IFTAP: variants seen among roughly 807,000 people sequenced by gnomAD.
The protein encoded by IFTAP is intraflagellar transport-associated protein.
In IFTAP, 19 loss-of-function variants were observed where a neutral mutation model predicts 19.4. The ratio of observed to expected loss-of-function variants is 0.98; its 90% CI spans 0.68 to 1.44. The LOEUF (loss-of-function observed/expected upper bound fraction) is 1.44. Among genes scored for constraint, IFTAP ranks in the 40% most tolerant of loss-of-function variants. The probability of loss-of-function intolerance (pLI) is 0.00; values close to 1 mark genes in which losing one functional copy is unlikely to be tolerated. For synonymous variants in IFTAP, 85 were observed against 83.5 expected, an observed-to-expected ratio of 1.02 and a Z score of -0.10; for missense variants, 240 against 253.6, an observed-to-expected ratio of 0.95 and a Z score of 0.36.
At chr11:36,653,789 G>T (rs1471587627) in intron 5 of IFTAP, among the ~76,000 whole-genome samples, 6 of 152,114 alleles carry the variant, frequency 3.9e-5, no homozygotes, top group Admixed American at 3.9e-4. Flanking sequence ...TAATTAACAT[G>T]CAAAGTCAGA....
At chr11:36,640,643 A>T (rs1853159723) in intron 4 of IFTAP, among the ~76,000 whole-genome samples, 1 of 152,214 alleles carries the variant, frequency 6.6e-6, no homozygotes, top group African/African-American at 2.4e-5. Flanking sequence ...AATAGTATTC[A>T]TTGCCAATGA....
At chr11:36,629,759 T>C (rs1328519637) in intron 2 of IFTAP, among the ~76,000 whole-genome samples, 1 of 151,098 alleles carries the variant, frequency 6.6e-6, no homozygotes, top group Non-Finnish European at 1.5e-5. Context: ...GTGGGGGCCT[T>C]GTAAGGGAGA....
At chr11:36,641,375 C>T (rs1320236143) in intron 4 of IFTAP, among the ~76,000 whole-genome samples, 2 of 152,088 alleles carry the variant, frequency 1.3e-5, no homozygotes, top group African/African-American at 2.4e-5. Context: ...TGTTGATAGA[C>T]ATAACCCATG....
At chr11:36,619,399 G>A (rs1271678551) in intron 2 of IFTAP, among the ~76,000 whole-genome samples, 2 of 151,998 alleles carry the variant, frequency 1.3e-5, no homozygotes, top group Admixed American at 1.3e-4. Flanking sequence ...AGGGTGCAAA[G>A]AGAGGCTTTT....
chr11:36,648,279 T>A, intron 5 of IFTAP, 124 bp downstream of exon 5: 1 of 1,202,202 alleles, frequency 8.3e-7, no homozygotes, highest in Non-Finnish European at 1.1e-6. Context: ...TCAAGTTGCT[T>A]AATTGGTCCC....
At chr11:36,655,716 T>C (rs1853954185) in intron 5 of IFTAP, among the ~76,000 whole-genome samples, 1 of 152,228 alleles carries the variant, frequency 6.6e-6, no homozygotes, top group South Asian at 2.1e-4. Flanking sequence ...TTTCTTGCTT[T>C]AGTATCTCAG....
chr11:36,651,684 A>T (rs1249749797), intron 5 of IFTAP, among the ~76,000 whole-genome samples: 1 of 152,204 alleles, frequency 6.6e-6, no homozygotes, highest in Non-Finnish European at 1.5e-5. Context: ...TTATGGTTTT[A>T]GGTCTAACAT....
At chr11:36,652,389 T>C (rs1853777573) in intron 5 of IFTAP, among the ~76,000 whole-genome samples, 1 of 152,250 alleles carries the variant, frequency 6.6e-6, no homozygotes, top group East Asian at 1.9e-4. Context: ...TTCTGATTTT[T>C]GCACATTGAT....
chr11:36,654,735 C>T (rs1387544822), intron 5 of IFTAP, among the ~76,000 whole-genome samples: 2 of 152,102 alleles, frequency 1.3e-5, no homozygotes, highest in Non-Finnish European at 2.9e-5. Context: ...GCTTCCCTTT[C>T]TGCATTCTTC....
chr11:36,603,709 G>C (rs1027709554), intron 1 of IFTAP, among the ~76,000 whole-genome samples: 2 of 152,104 alleles, frequency 1.3e-5, no homozygotes, highest in African/African-American at 4.8e-5. Flanking sequence ...ATCACTTGAG[G>C]TTAGGTGTTT....
intron 1 of IFTAP, among the ~76,000 whole-genome samples, chr11:36,609,186 G>A (rs1472438): frequency 4.6e-4 from 70 of 152,276 alleles, no homozygotes; most frequent in African/African-American, 1.6e-3. Context: ...TGCAGTAGTG[G>A]GAGATGGGGG....
intron 4 of IFTAP, among the ~76,000 whole-genome samples, chr11:36,646,335 C>T (rs1222874014): frequency 2.0e-5 from 3 of 152,190 alleles, no homozygotes; most frequent in Non-Finnish European, 4.4e-5. Context: ...CTGTCTCTTG[C>T]TGCTTTCCTT....
rs12281063 is a variant in IFTAP at position 36,610,327 on chromosome 11, A to G, written c.136+88A>G. ...TTTTTGCTGCCTCTTGAGAAAGACT[A>G]TTTAGTGAACATTCATTCCATTCGT... is the stretch of plus-strand genomic sequence containing the variant. On this transcript the variant is annotated intron_variant, in intron 2 of 5. Coordinates refer to ENST00000334307, the MANE Select transcript of IFTAP (RefSeq NM_138787.4). 3.9e-3 allele frequency: 4,745 copies of G among 1,216,012 alleles called. 114 individuals are homozygous for G. In the African/African-American group the frequency reaches 0.061, roughly 16 times the overall value. The allele number at this position is 1,216,012 out of a possible 1,614,324, so 75.3% of individuals were successfully genotyped here.
intron 1 of IFTAP, among the ~76,000 whole-genome samples, chr11:36,603,651 G>A (rs1186264298): frequency 6.6e-6 from 1 of 152,168 alleles, no homozygotes; most frequent in East Asian, 1.9e-4. Context: ...GCCAGGCACA[G>A]TGGCTTATGC....
intron 3 of IFTAP, 127 bp from the exon 4 acceptor site, chr11:36,635,924 A>G (rs1000478527): frequency 3.6e-5 from 25 of 689,216 alleles, no homozygotes; most frequent in African/African-American, 5.4e-5. Context: ...GCTGGGACTC[A>G]AGAGTTAATG....
rs536366268 is a variant in IFTAP, at chr11:36,644,767, G to T, written c.359-3249G>T. On this transcript the variant is annotated intron_variant, in intron 4 of 5. Transcript: ENST00000334307. ...CGTAAGGATAAAAAAACCAAACACT[G>T]AATGTTCTCACTCATAGGTGGGAAT... is the stretch of plus-strand genomic sequence containing the variant. 7.3e-3 allele frequency among the ~76,000 whole-genome samples: 1,082 copies of T among 148,362 alleles called. 10 individuals carry two copies. Among genetic ancestry groups the T allele is most frequent in the African/African-American group, 0.025 (1,024 of 40,266 alleles).
At chr11:36,629,124 T>G (rs1231156811) in intron 2 of IFTAP, among the ~76,000 whole-genome samples, 2 of 151,336 alleles carry the variant, frequency 1.3e-5, no homozygotes, top group Non-Finnish European at 2.9e-5. Flanking sequence ...ACAAGGAGCA[T>G]GTGATCAAGA....
chr11:36,621,724 G>T (rs114294989), intron 2 of IFTAP, among the ~76,000 whole-genome samples: 253 of 151,900 alleles, frequency 1.7e-3, no homozygotes, highest in African/African-American at 5.3e-3. Flanking sequence ...CTAGAATCTG[G>T]GAATACTCAG....
chr11:36,624,124 C>T (rs544291358), intron 2 of IFTAP, among the ~76,000 whole-genome samples: 1 of 151,992 alleles, frequency 6.6e-6, no homozygotes, highest in Non-Finnish European at 1.5e-5. Flanking sequence ...GCTTTTTTGC[C>T]TCTTCAAATA....
Sources: gnomAD v4.1 joint callset for allele counts (sites outside exome capture counted in the v4.1 genomes callset) on GRCh38, gnomAD v4.1.1 for gene constraint, MANE v1.5 for transcripts, NCBI Gene and HGNC (gene_info 2026-07-23, HGNC 2026-07-21) for gene names.